Variants in LMX1A observed in about 807,000 individuals in gnomAD.
LMX1A encodes the protein LIM homeobox transcription factor 1 alpha, also known as LIM homeobox transcription factor 1-alpha.
Under a neutral mutation model 49.1 loss-of-function variants are expected in LMX1A, and 15 were observed. The observed-to-expected ratio is 0.31, with a 90% CI of 0.20 to 0.47. The LOEUF is 0.47. LMX1A is among the 20% of genes least tolerant of loss of function. The pLI, the probability that LMX1A is intolerant of heterozygous loss-of-function variation, is 1.00. For missense variants in LMX1A, 372 were observed against 475.8 expected (o/e 0.78, Z 2.03); for synonymous variants, 167 against 185.7 (o/e 0.90, Z 0.82).
chr1:165,353,377 A>C (rs61449681), intron 2 of LMX1A, 115 bp from the exon 3 acceptor site: 2 of 771,486 alleles, frequency 2.6e-6, no homozygotes, highest in Non-Finnish European at 4.1e-6. Flanking sequence ...AGCGCCCCCC[A>C]CCCCAGGGAA....
chr1:165,352,527 G>A (rs932422698), intron 3 of LMX1A, among the ~76,000 whole-genome samples: 4 of 152,200 alleles, frequency 2.6e-5, no homozygotes, highest in Non-Finnish European at 4.4e-5. Context: ...AGCCATTTCC[G>A]AGCCCAAACT....
intron 3 of LMX1A, among the ~76,000 whole-genome samples, chr1:165,270,042 A>G (rs973903714): frequency 5.9e-5 from 9 of 151,984 alleles, no homozygotes; most frequent in Non-Finnish European, 7.4e-5. Context: ...GCACCCCAAA[A>G]CTTAAAAAAA....
chr1:165,346,463 A>G (rs908068538), intron 3 of LMX1A, among the ~76,000 whole-genome samples: 1 of 152,250 alleles, frequency 6.6e-6, no homozygotes, highest in African/African-American at 2.4e-5. Context: ...TCGTTTCATT[A>G]AATTCTAGCT....
intron 1 of LMX1A, 84 bp downstream of exon 1, chr1:165,356,271 G>A (rs996270067): frequency 6.6e-6 from 1 of 152,408 alleles, no homozygotes; most frequent in Admixed American, 6.5e-5. Flanking sequence ...CGGCTGGCCC[G>A]GCTCACTCTT....
intron 7 of LMX1A, 123 bp from the exon 8 acceptor site, chr1:165,206,157 T>C: frequency 1.1e-6 from 1 of 875,822 alleles, no homozygotes; most frequent in Non-Finnish European, 1.7e-6. Context: ...GTCCCAGCCT[T>C]TGTCCTACCA....
intron 3 of LMX1A, among the ~76,000 whole-genome samples, chr1:165,293,094 C>T (rs187429196): frequency 5.2e-4 from 78 of 149,570 alleles, no homozygotes; most frequent in African/African-American, 1.9e-3. Flanking sequence ...TCTAGCCGGG[C>T]GACAGAGAGA....
intron 3 of LMX1A, among the ~76,000 whole-genome samples, chr1:165,332,598 C>T (rs1655780728): frequency 1.3e-5 from 2 of 151,986 alleles, no homozygotes; most frequent in Non-Finnish European, 2.9e-5. Context: ...GATACAATTA[C>T]AATAATTAAT....
At chr1:165,204,071 G>T (rs1470905697) in intron 8 of LMX1A, 31 bp from the exon 9 acceptor site, 2 of 1,610,546 alleles carry the variant, frequency 1.2e-6, no homozygotes, top group African/African-American at 1.3e-5. Flanking sequence ...TGGCATGAGG[G>T]TCTTGAAGAA....
At chr1:165,263,582 G>A (rs1239931660) in intron 3 of LMX1A, among the ~76,000 whole-genome samples, 1 of 152,134 alleles carries the variant, frequency 6.6e-6, no homozygotes, top group African/African-American at 2.4e-5. Flanking sequence ...TCTTCCCTGG[G>A]TTACCTCCAC....
intron 5 of LMX1A, chr1:165,212,914 T>C (rs988801554): frequency 6.6e-6 from 1 of 152,144 alleles, no homozygotes; most frequent in African/African-American, 2.4e-5. Context: ...CCTGGATACA[T>C]CCTTAAAAAG....
intron 4 of LMX1A, among the ~76,000 whole-genome samples, chr1:165,236,180 G>T (rs971823981): frequency 7.2e-5 from 11 of 152,198 alleles, no homozygotes; most frequent in Non-Finnish European, 1.6e-4. Context: ...GGAGGGAGTT[G>T]CCAAGGTAAC....
Position 165,206,746 on chromosome 1 carries a change from A to T in LMX1A, c.818-712T>A, listed in dbSNP as rs140156852. On this transcript the variant is annotated intron_variant, in intron 7 of 8. Coordinates refer to ENST00000342310, the MANE Select transcript of LMX1A (RefSeq NM_177398.4). ...AGGAACAAGGAAAAGTTGGTCCCAC[A>T]TAAAGAGCCTTAGGGGTGGAGCTGA... Among the ~76,000 whole-genome samples the T allele has an allele frequency of 1.1e-4, 16 of 152,292 alleles. No individual in the cohort carries two copies. The East Asian group carries it at 3.1e-3, about 29-fold the overall frequency.
chr1:165,347,708 C>T (rs1424771158), intron 3 of LMX1A, among the ~76,000 whole-genome samples: 1 of 152,154 alleles, frequency 6.6e-6, no homozygotes, highest in Non-Finnish European at 1.5e-5. Context: ...TACTTAATAA[C>T]CAAGATCATA....
At chr1:165,277,887 G>A (rs755516451) in intron 3 of LMX1A, among the ~76,000 whole-genome samples, 42 of 152,238 alleles carry the variant, frequency 2.8e-4, no homozygotes, top group Middle Eastern at 3.2e-3. Context: ...CTATGGTTGA[G>A]CATCAGGGAA....
At chr1:165,264,803 T>C (rs956502963) in intron 3 of LMX1A, among the ~76,000 whole-genome samples, 1 of 151,618 alleles carries the variant, frequency 6.6e-6, no homozygotes, top group Non-Finnish European at 1.5e-5. Context: ...TAAAAAAATT[T>C]AAAAATTAGG....
rs115977257 is a variant in LMX1A at position 165,242,535 on chromosome 1, T to C, written c.496+6873A>G. 5.0e-3 allele frequency among the ~76,000 whole-genome samples: 754 copies of C among 151,016 alleles called. 5 individuals carry two copies. Among genetic ancestry groups the C allele is most frequent in the African/African-American group, 0.017 (714 of 41,128 alleles). ...AAGGAAATAAAGATATTGTTTGAGA[T>C]AGCAAAAATGAAATTCTGACTCAAG... is the stretch of plus-strand genomic sequence containing the variant. On this transcript the variant is annotated intron_variant, in intron 4 of 8. Coordinates refer to ENST00000342310, the MANE Select transcript of LMX1A (RefSeq NM_177398.4).
At chr1:165,221,551 A>G (rs1463751738) in intron 4 of LMX1A, among the ~76,000 whole-genome samples, 1 of 152,140 alleles carries the variant, frequency 6.6e-6, no homozygotes, top group East Asian at 1.9e-4. Context: ...GTCCCAAGAA[A>G]GACACCTTTG....
At chr1:165,214,012 A>G (rs1451165843) in intron 4 of LMX1A, among the ~76,000 whole-genome samples, 199 bp from the exon 5 acceptor site, 1 of 152,216 alleles carries the variant, frequency 6.6e-6, no homozygotes. Flanking sequence ...CAGGCAGCAG[A>G]AAGTCCACCA....
intron 4 of LMX1A, among the ~76,000 whole-genome samples, chr1:165,235,943 T>C (rs1415151002): frequency 1.3e-5 from 2 of 152,098 alleles, no homozygotes; most frequent in East Asian, 3.9e-4. Flanking sequence ...TAAGGGGCCT[T>C]TGAAGACAGG....
Sources: gnomAD v4.1 joint callset for allele counts (sites outside exome capture counted in the v4.1 genomes callset) on GRCh38, gnomAD v4.1.1 for gene constraint, MANE v1.5 for transcripts, NCBI Gene and HGNC (gene_info 2026-07-23, HGNC 2026-07-21) for gene names.